EHHADH: variants seen among roughly 807,000 people sequenced by gnomAD.
The protein encoded by EHHADH is enoyl-CoA hydratase and 3-hydroxyacyl CoA dehydrogenase.
Under a neutral mutation model 64.4 loss-of-function variants are expected in EHHADH, and 48 were observed. The ratio of observed to expected loss-of-function variants is 0.75; its 90% CI spans 0.59 to 0.95. The LOEUF (loss-of-function observed/expected upper bound fraction) is 0.95. Among genes scored for constraint, EHHADH ranks in the 40% least tolerant of loss-of-function variants. The probability of loss-of-function intolerance (pLI) is 0.00; values close to 1 mark genes in which losing one functional copy is unlikely to be tolerated. For synonymous variants in EHHADH, 308 were observed against 326.7 expected, an observed-to-expected ratio of 0.94 and a Z score of 0.62; for missense variants, 854 against 876.6, an observed-to-expected ratio of 0.97 and a Z score of 0.33.
intron 4 of EHHADH, among the ~76,000 whole-genome samples, chr3:185,221,423 T>C (rs960454292): frequency 6.6e-6 from 1 of 152,164 alleles, no homozygotes; most frequent in Non-Finnish European, 1.5e-5. Context: ...TATACCATTA[T>C]AAATTAAAAC....
At chr3:185,243,446 A>G (rs1035254100) in intron 2 of EHHADH, among the ~76,000 whole-genome samples, 12 of 152,058 alleles carry the variant, frequency 7.9e-5, no homozygotes, top group African/African-American at 2.7e-4. Flanking sequence ...AGTTCTGCTC[A>G]GATCTTTGTT....
At chr3:185,204,985 GT>G (rs1328934594) in intron 5 of EHHADH, among the ~76,000 whole-genome samples, 4 of 151,960 alleles carry the variant, frequency 2.6e-5, no homozygotes, top group Non-Finnish European at 5.9e-5. Context: ...AGGTTACCTA[GT>G]TTAGGCATAA....
Position 185,204,584 on chromosome 3 carries a change from C to T in EHHADH, c.742G>A (p.Gly248Ser). ...AACAGCTCCTCCTCCTTCTTGATGCCCACTTCATAGGGATACTGCACAGCA... is the reference window on the plus strand; with the variant it reads ...AACAGCTCCTCCTCCTTCTTGATGCTCACTTCATAGGGATACTGCACAGCA... ...QAAVQYPYEV[G>S]IKKEEELFLY... is the part of the protein sequence containing the mutation. The change falls in exon 6 of 7, where the codon GGC (glycine) becomes AGC (serine). Residue 248 changes from glycine to serine, a missense_variant. Transcript: ENST00000231887. 6.2e-7 allele frequency: 1 copy of T among 1,614,174 alleles called. No homozygotes were observed. The highest frequency in any genetic ancestry group is 8.5e-7 in the Non-Finnish European group (1 of 1,180,042).
Position 185,204,427 on chromosome 3 carries a change from A to G in EHHADH, c.899T>C (p.Val300Ala). The part of the protein sequence containing the change: ...KTASARPVSS[V>A]GVVGLGTMGR... ...CCCCATGGTCTTACCAACAACACCA[A>G]CTGAGGAGACAGGCCGCGCTGATGC... Residue 300 changes from valine (V) to alanine (A), a missense_variant, in exon 6 of 7, where the codon GTT becomes GCT. Transcript: ENST00000231887. 6.2e-7 allele frequency: 1 copy of G among 1,604,990 alleles called. No homozygotes were observed. The highest frequency in any genetic ancestry group is 8.5e-7 in the Non-Finnish European group (1 of 1,175,552).
At chr3:185,244,170 C>T (rs554099755) in intron 2 of EHHADH, among the ~76,000 whole-genome samples, 5 of 152,200 alleles carry the variant, frequency 3.3e-5, no homozygotes, top group Admixed American at 3.3e-4. Flanking sequence ...ATAGCTACTA[C>T]TGCTCATTTT....
intron 5 of EHHADH, among the ~76,000 whole-genome samples, chr3:185,205,558 C>T (rs187281365): frequency 6.6e-6 from 1 of 152,228 alleles, no homozygotes; most frequent in Admixed American, 6.5e-5. Flanking sequence ...GGTGTCCAAA[C>T]AATTCAATGG....
At chr3:185,252,396 C>A (rs1208032739) in intron 1 of EHHADH, among the ~76,000 whole-genome samples, 4 of 150,012 alleles carry the variant, frequency 2.7e-5, no homozygotes, top group Non-Finnish European at 5.9e-5. Context: ...AAGACTCCGT[C>A]TCAAAACAAG....
intron 4 of EHHADH, among the ~76,000 whole-genome samples, chr3:185,222,202 C>T (rs962482666): frequency 1.2e-4 from 18 of 151,670 alleles, no homozygotes; most frequent in Admixed American, 2.0e-4. Flanking sequence ...CAACATGGTG[C>T]CCCCCGCCCC....
chr3:185,219,982 G>A (rs1718792168), intron 4 of EHHADH, among the ~76,000 whole-genome samples: 1 of 152,078 alleles, frequency 6.6e-6, no homozygotes, highest in Non-Finnish European at 1.5e-5. Flanking sequence ...TAGGGTAAGA[G>A]GTACATAAAT....
intron 6 of EHHADH, among the ~76,000 whole-genome samples, chr3:185,198,137 T>C (rs1680100142): frequency 6.6e-6 from 1 of 151,998 alleles, no homozygotes; most frequent in Admixed American, 6.6e-5. Context: ...AGAAGTGGAA[T>C]TGCTGGATTA....
intron 2 of EHHADH, among the ~76,000 whole-genome samples, chr3:185,237,135 A>G (rs1042854365): frequency 6.6e-6 from 1 of 152,194 alleles, no homozygotes; most frequent in Non-Finnish European, 1.5e-5. Context: ...TGAAAAACCA[A>G]AGCACAAACA....
intron 1 of EHHADH, among the ~76,000 whole-genome samples, chr3:185,249,629 G>A (rs1293118444): frequency 6.6e-6 from 1 of 152,186 alleles, no homozygotes; most frequent in African/African-American, 2.4e-5. Context: ...TTGTGAAGAA[G>A]GTACTTGCTT....
intron 2 of EHHADH, among the ~76,000 whole-genome samples, chr3:185,243,714 A>T (rs1719516731): frequency 6.6e-6 from 1 of 152,092 alleles, no homozygotes; most frequent in Admixed American, 6.5e-5. Flanking sequence ...TATGATTTAG[A>T]TTTTTTTGAA....
In EHHADH at chr3:185,202,163, C is replaced by T. The variant is rs146357524; in HGVS notation, c.910+2253G>A. 2.2e-3 allele frequency among the ~76,000 whole-genome samples: 338 copies of T among 152,182 alleles called. 4 individuals carry two copies. The highest frequency in any genetic ancestry group is 8.4e-4 in the Non-Finnish European group (57 of 68,000). On this transcript the variant is annotated intron_variant, in intron 6 of 6. Coordinates refer to ENST00000231887, the MANE Select transcript of EHHADH (RefSeq NM_001966.4). Reference sequence around the variant, plus strand: ...GACCAGCCTGGACAACATAGTGAAACCCTGTCTCTACTAAAAATACAAAAA... The same window carrying T: ...GACCAGCCTGGACAACATAGTGAAATCCTGTCTCTACTAAAAATACAAAAA...
In EHHADH at chr3:185,215,263, G is replaced by T. The variant is rs545678829; in HGVS notation, c.568+2873C>A. On this transcript the variant is annotated intron_variant, in intron 5 of 6. Coordinates refer to ENST00000231887, the MANE Select transcript of EHHADH (RefSeq NM_001966.4). Reference sequence around the variant, plus strand: ...GGCCCAAAGTGGAAACAAACTAAATGTCCATCAACTGATAATGGATAAACA... The same window carrying T: ...GGCCCAAAGTGGAAACAAACTAAATTTCCATCAACTGATAATGGATAAACA... Among the ~76,000 whole-genome samples, 4 of 152,218 alleles carry T rather than the reference G, an allele frequency of 2.6e-5. No homozygotes were observed. The South Asian group carries it at 8.3e-4, about 32-fold the overall frequency.
At chr3:185,197,625 T>C (rs1354960822) in intron 6 of EHHADH, among the ~76,000 whole-genome samples, 1 of 152,218 alleles carries the variant, frequency 6.6e-6, no homozygotes, top group African/African-American at 2.4e-5. Context: ...GTGTCAGAAT[T>C]TTCTTCCTTT....
chr3:185,204,892 A>G, intron 5 of EHHADH, 135 bp from the exon 6 acceptor site: 2 of 678,244 alleles, frequency 2.9e-6, no homozygotes, highest in South Asian at 4.3e-5. Context: ...TTTAATGTAC[A>G]CTAAACATAT....
At chr3:185,240,695 TTC>T (rs1251867312) in intron 2 of EHHADH, among the ~76,000 whole-genome samples, 1 of 152,132 alleles carries the variant, frequency 6.6e-6, no homozygotes, top group African/African-American at 2.4e-5. Context: ...ATATAAATTT[TTC>T]TCTTTTCAAA....
At chr3:185,233,361 T>C (rs1043614358) in intron 3 of EHHADH, among the ~76,000 whole-genome samples, 4 of 152,166 alleles carry the variant, frequency 2.6e-5, no homozygotes, top group Admixed American at 1.3e-4. Context: ...TAAAAATATA[T>C]ATAGTAAAAG....
Sources: gnomAD v4.1 joint callset for allele counts (sites outside exome capture counted in the v4.1 genomes callset) on GRCh38, gnomAD v4.1.1 for gene constraint, MANE v1.5 for transcripts, NCBI Gene and HGNC (gene_info 2026-07-23, HGNC 2026-07-21) for gene names.